The following RIPOR2 variants were observed in gnomAD, a reference collection of about 807,000 sequenced individuals.
The protein encoded by RIPOR2 is RHO family interacting cell polarization regulator 2, also known as rho family-interacting cell polarization regulator 2.
In RIPOR2, 39 loss-of-function variants were observed where a neutral mutation model predicts 114.5. The observed-to-expected ratio is 0.34, with a 90% CI of 0.26 to 0.44. The LOEUF is 0.44. Ranked by LOEUF, RIPOR2 falls within the 20% of genes least tolerant of loss-of-function variation. RIPOR2 has a pLI of 1.00. For missense variants in RIPOR2, 1,007 were observed against 1,255.1 expected (o/e 0.80, Z 2.99); for synonymous variants, 445 against 484.4 (o/e 0.92, Z 1.07).
intron 1 of RIPOR2, among the ~76,000 whole-genome samples, chr6:24,917,618 C>T (rs528465224): frequency 6.6e-6 from 1 of 152,312 alleles, no homozygotes; most frequent in African/African-American, 2.4e-5. Flanking sequence ...CAACCTCCGC[C>T]TCCCGGGTTC....
rs753651637 is a variant in RIPOR2 at position 24,832,382 on chromosome 6, A to G, written c.2218T>C (p.Phe740Leu). 88 of 1,551,972 alleles carry G rather than the reference A, an allele frequency of 5.7e-5. No individual in the cohort carries two copies. Among genetic ancestry groups the G allele is most frequent in the Non-Finnish European group, 5.2e-6 (6 of 1,147,038 alleles). ...GCCACAAATGGGGTTTTGCTTGAGA[A>G]AACAATTTGCTGGTAAAACAAACAA... is the stretch of plus-strand genomic sequence containing the variant. ...YCTQLVQQIV[F>L]SSKTPFVARS... The change falls in exon 16 of 22, where the codon TTC becomes CTC. Residue 740 changes from phenylalanine (F) to leucine (L), a missense_variant. Transcript: ENST00000643898.
chr6:24,901,028 T>C (rs1487255125), intron 1 of RIPOR2, among the ~76,000 whole-genome samples: 3 of 152,152 alleles, frequency 2.0e-5, no homozygotes, highest in Non-Finnish European at 4.4e-5. Context: ...CAAACTCCTC[T>C]TGTGCCCAGG....
intron 8 of RIPOR2, among the ~76,000 whole-genome samples, chr6:24,854,627 G>A (rs562305345): frequency 4.4e-4 from 67 of 152,172 alleles, no homozygotes; most frequent in African/African-American, 1.5e-3. Flanking sequence ...AAGACTAAAA[G>A]TTTTATTGAA....
intron 1 of RIPOR2, among the ~76,000 whole-genome samples, chr6:25,027,831 G>A (rs564052092): frequency 8.9e-4 from 135 of 152,358 alleles, no homozygotes; most frequent in Admixed American, 8.2e-3. Context: ...GTGGGTCAGG[G>A]CATCACCGAA....
chr6:24,831,438 A>G lies in RIPOR2; in HGVS notation c.2345-768T>C, dbSNP rs184149961. 1.4e-4 allele frequency among the ~76,000 whole-genome samples: 21 copies of G among 152,232 alleles called. No individual in the cohort carries two copies. In the East Asian group the frequency reaches 4.1e-3, roughly 29 times the overall value. ...GTGGTTCCCTGACTGAAATGACTGA[A>G]CAGCATGGTACCAGGTGGGACAGGA... On this transcript the variant is annotated intron_variant, in intron 16 of 21. Coordinates refer to ENST00000643898, the MANE Select transcript of RIPOR2 (RefSeq NM_001286445.3).
At chr6:24,847,574 T>C in intron 12 of RIPOR2, 1 of 1,551,654 alleles carries the variant, frequency 6.4e-7, no homozygotes, top group Non-Finnish European at 8.7e-7. Flanking sequence ...GGACTCGGCC[T>C]GAGGGAGGGC....
chr6:24,860,437 T>C (rs1371110046), intron 8 of RIPOR2, among the ~76,000 whole-genome samples: 1 of 152,224 alleles, frequency 6.6e-6, no homozygotes, highest in Non-Finnish European at 1.5e-5. Context: ...TAATCAAATG[T>C]ACAAGGCATT....
intron 1 of RIPOR2, among the ~76,000 whole-genome samples, chr6:24,910,312 A>T (rs887576964): frequency 2.0e-5 from 3 of 152,142 alleles, no homozygotes; most frequent in Non-Finnish European, 4.4e-5. Flanking sequence ...GCTGGTTCAT[A>T]GTCCAGCTCA....
chr6:24,999,118 C>T (rs1775180537), intron 1 of RIPOR2, among the ~76,000 whole-genome samples: 1 of 152,072 alleles, frequency 6.6e-6, no homozygotes. Flanking sequence ...AGGGTGGTTA[C>T]AGGAGAATAA....
chr6:24,994,189 G>A lies in RIPOR2; in HGVS notation c.76+47662C>T, dbSNP rs535663158. 2.4e-4 allele frequency among the ~76,000 whole-genome samples: 37 copies of A among 152,248 alleles called. No individual in the cohort carries two copies. In the Middle Eastern group the frequency reaches 0.01, roughly 42 times the overall value. ...TAAGGTGATAGGAATAAGAGGATATGAGGAACTGGACTCTTTGAGACTGAG... is the reference window on the plus strand; with the variant it reads ...TAAGGTGATAGGAATAAGAGGATATAAGGAACTGGACTCTTTGAGACTGAG... On this transcript the variant is annotated intron_variant, in intron 1 of 13. Transcript: ENST00000510784.
intron 1 of RIPOR2, among the ~76,000 whole-genome samples, chr6:24,877,636 A>G (rs960236732): frequency 1.3e-5 from 2 of 152,210 alleles, no homozygotes; most frequent in African/African-American, 2.4e-5. Flanking sequence ...TAAATTTTTG[A>G]TGCCACAAGG....
chr6:25,008,006 G>C (rs1198010455), intron 1 of RIPOR2, among the ~76,000 whole-genome samples: 2 of 151,854 alleles, frequency 1.3e-5, no homozygotes, highest in African/African-American at 4.8e-5. Flanking sequence ...AAATGGAACT[G>C]TTTCTGCCTT....
rs1443085755 is a variant in RIPOR2 at position 24,865,319 on chromosome 6, G to C, written c.633C>G (p.Ser211Arg). ...GTTATACCTCTGTGTACTCCTTGAA[G>C]CTCCGATTGATCTCTGTCAGACTCT... ...ARESLTEINR[S>R]FKEYTENMCT... The change falls in exon 7 of 22, where the codon AGC (serine) becomes AGG (arginine). Residue 211 changes from serine to arginine, a missense_variant. By Grantham distance (110) the Ser-to-Arg change is moderately radical (BLOSUM62 -1). Coordinates refer to ENST00000643898, the MANE Select transcript of RIPOR2 (RefSeq NM_001286445.3). The C allele has an allele frequency of 2.5e-6, 4 of 1,613,022 alleles. No homozygotes were observed. The highest frequency in any genetic ancestry group is 3.4e-6 in the Non-Finnish European group (4 of 1,179,378).
intron 1 of RIPOR2, among the ~76,000 whole-genome samples, chr6:24,974,179 T>C (rs1472444259): frequency 1.3e-5 from 2 of 151,814 alleles, no homozygotes; most frequent in African/African-American, 2.4e-5. Flanking sequence ...AGCCCAGGAG[T>C]TAGAGACCAG....
intron 1 of RIPOR2, among the ~76,000 whole-genome samples, chr6:25,011,925 A>G (rs527684787): frequency 7.2e-5 from 11 of 152,368 alleles, no homozygotes; most frequent in African/African-American, 1.9e-4. Flanking sequence ...AAAAGACACT[A>G]GTAAGAAAAT....
intron 1 of RIPOR2, among the ~76,000 whole-genome samples, chr6:24,982,786 G>T (rs115982753): frequency 0.01 from 1,546 of 152,292 alleles, 21 homozygotes; most frequent in African/African-American, 0.026. Flanking sequence ...GCTGCATTAT[G>T]TAAGGTATGC....
At chr6:24,855,578 C>T (rs1020298587) in intron 8 of RIPOR2, among the ~76,000 whole-genome samples, 1 of 152,204 alleles carries the variant, frequency 6.6e-6, no homozygotes, top group Non-Finnish European at 1.5e-5. Flanking sequence ...ATCCATATGA[C>T]AAATGGGTCC....
At chr6:25,023,479 G>A (rs1581969501) in intron 1 of RIPOR2, 3 of 768,308 alleles carry the variant, frequency 3.9e-6, no homozygotes, top group Non-Finnish European at 7.1e-6. Context: ...AGGACTTGGC[G>A]ATGCAGTGGC....
chr6:24,916,277 T>C (rs981615597), intron 1 of RIPOR2, among the ~76,000 whole-genome samples: 1 of 152,230 alleles, frequency 6.6e-6, no homozygotes, highest in Non-Finnish European at 1.5e-5. Context: ...ACCTCCTTCA[T>C]GACACTTTCC....
Sources: gnomAD v4.1 joint callset for allele counts (sites outside exome capture counted in the v4.1 genomes callset) on GRCh38, gnomAD v4.1.1 for gene constraint, MANE v1.5 for transcripts, NCBI Gene and HGNC (gene_info 2026-07-23, HGNC 2026-07-21) for gene names.